The following NLGN1 variants were observed in gnomAD, a reference collection of about 807,000 sequenced individuals.
NLGN1 encodes neuroligin 1, also known as neuroligin-1.
A neutral mutation model predicts 65.5 loss-of-function variants in NLGN1; 12 were observed. That is an observed-to-expected ratio of 0.18 (90% CI 0.12 to 0.30). NLGN1 has a LOEUF of 0.30. Among genes scored for constraint, NLGN1 ranks in the 10% least tolerant of loss-of-function variants. The probability of loss-of-function intolerance (pLI) is 1.00; values close to 1 mark genes in which losing one functional copy is unlikely to be tolerated. For synonymous variants in NLGN1, 350 were observed against 359.5 expected, an observed-to-expected ratio of 0.97 and a Z score of 0.30; for missense variants, 750 against 1,007.1, an observed-to-expected ratio of 0.74 and a Z score of 3.46.
intron 2 of NLGN1, among the ~76,000 whole-genome samples, chr3:173,502,455 A>C (rs1235465200): frequency 6.6e-6 from 1 of 152,144 alleles, no homozygotes; most frequent in African/African-American, 2.4e-5. Context: ...ATGCTTCCAG[A>C]GAATATGAGC....
exon 7 of NLGN1, chr3:174,283,905 A>T (rs1322505081): frequency 6.6e-6 from 1 of 151,496 alleles, no homozygotes; most frequent in African/African-American, 2.4e-5. Flanking sequence ...CAAGAACAGA[A>T]TAGAAATGAC....
chr3:173,843,421 T>A (rs562300202), intron 4 of NLGN1, among the ~76,000 whole-genome samples: 2 of 152,224 alleles, frequency 1.3e-5, no homozygotes, highest in African/African-American at 4.8e-5. Flanking sequence ...TCTATTGCAT[T>A]GTCAGGCTGC....
rs76714510 is a variant in NLGN1 at position 173,472,887 on chromosome 3, A to G, written c.-321+37809A>G. On this transcript the variant is annotated intron_variant, in intron 2 of 6. Transcript: ENST00000457714. Reference sequence around the variant, plus strand: ...CAAATGGCATAAGTGAATTGTTTTAATCTGCCCCTTTAGGAGTCTGTTGGC... The same window carrying G: ...CAAATGGCATAAGTGAATTGTTTTAGTCTGCCCCTTTAGGAGTCTGTTGGC... 3.6e-3 allele frequency among the ~76,000 whole-genome samples: 551 copies of G among 152,274 alleles called. 1 individual carries two copies. The highest frequency in any genetic ancestry group is 6.2e-3 in the Non-Finnish European group (424 of 68,020).
intron 3 of NLGN1, among the ~76,000 whole-genome samples, chr3:173,780,864 G>A (rs1232298795): frequency 6.6e-6 from 1 of 151,878 alleles, no homozygotes; most frequent in Non-Finnish European, 1.5e-5. Context: ...AATATTGGCC[G>A]GGCACAGTGG....
At chr3:173,858,373 T>A (rs1323556429) in intron 4 of NLGN1, among the ~76,000 whole-genome samples, 1 of 152,088 alleles carries the variant, frequency 6.6e-6, no homozygotes, top group Non-Finnish European at 1.5e-5. Flanking sequence ...TCATTTTCTC[T>A]TCTAGGATGT....
At chr3:173,781,515 G>A (rs1350312509) in intron 3 of NLGN1, among the ~76,000 whole-genome samples, 1 of 152,016 alleles carries the variant, frequency 6.6e-6, no homozygotes, top group Admixed American at 6.6e-5. Context: ...GGCTTTTATC[G>A]TACCCATTTT....
chr3:173,700,043 CAT>C (rs1462594976), intron 3 of NLGN1, among the ~76,000 whole-genome samples: 1 of 152,174 alleles, frequency 6.6e-6, no homozygotes, highest in Non-Finnish European at 1.5e-5. Flanking sequence ...CAAAACTCCA[CAT>C]AGTTAGTTAT....
At chr3:174,148,390 C>G (rs1723733955) in intron 4 of NLGN1, among the ~76,000 whole-genome samples, 1 of 152,118 alleles carries the variant, frequency 6.6e-6, no homozygotes, top group Admixed American at 6.6e-5. Context: ...AAGTACATCT[C>G]CACTTTAAAA....
intron 4 of NLGN1, among the ~76,000 whole-genome samples, chr3:174,257,955 T>C (rs980397290): frequency 6.6e-6 from 1 of 151,234 alleles, no homozygotes; most frequent in Non-Finnish European, 1.5e-5. Context: ...TAATTACCTT[T>C]TGTAATTTTA....
chr3:173,588,218 T>G (rs76286650), intron 2 of NLGN1, among the ~76,000 whole-genome samples: 7 of 152,190 alleles, frequency 4.6e-5, no homozygotes, highest in Non-Finnish European at 8.8e-5. Context: ...TAAGAGATAA[T>G]TTAAAACATC....
At chr3:174,274,143 A>AATC (rs1750050344) in intron 4 of NLGN1, among the ~76,000 whole-genome samples, 1 of 151,578 alleles carries the variant, frequency 6.6e-6, no homozygotes, top group African/African-American at 2.4e-5. Flanking sequence ...CCCTTAATAT[A>AATC]ATCAATTTAT....
chr3:173,513,895 G>A (rs1207215495), intron 2 of NLGN1, among the ~76,000 whole-genome samples: 1 of 152,132 alleles, frequency 6.6e-6, no homozygotes, highest in Non-Finnish European at 1.5e-5. Context: ...GGGTGTGGTG[G>A]TGGGCGCCTG....
intron 5 of NLGN1, among the ~76,000 whole-genome samples, chr3:174,277,389 C>CTAGGTGGCATATTTTA (rs1486637497): frequency 6.6e-6 from 1 of 151,866 alleles, no homozygotes; most frequent in Non-Finnish European, 1.5e-5. Flanking sequence ...TTTTAGGAAT[C>CTAGGTGGCATATTTTA]TAGGTGGCAT....
intron 3 of NLGN1, among the ~76,000 whole-genome samples, chr3:173,654,408 A>C (rs1397818979): frequency 6.6e-6 from 1 of 152,164 alleles, no homozygotes; most frequent in East Asian, 1.9e-4. Flanking sequence ...AATAGTTTCT[A>C]ATAATTAAAA....
chr3:173,978,402 A>G (rs1331974653), intron 4 of NLGN1, among the ~76,000 whole-genome samples: 1 of 152,132 alleles, frequency 6.6e-6, no homozygotes, highest in Non-Finnish European at 1.5e-5. Context: ...AGTTTGCAAG[A>G]TATGCGAAGA....
chr3:173,626,925 C>T (rs1231556062), intron 3 of NLGN1, among the ~76,000 whole-genome samples: 1 of 151,950 alleles, frequency 6.6e-6, no homozygotes, highest in Non-Finnish European at 1.5e-5. Flanking sequence ...CAAAACTATC[C>T]TAGCAGGAGG....
chr3:174,061,612 C>A (rs934623613), intron 4 of NLGN1, among the ~76,000 whole-genome samples: 1 of 151,954 alleles, frequency 6.6e-6, no homozygotes, highest in African/African-American at 2.4e-5. Flanking sequence ...ACTTTAATGT[C>A]CTGGAGGTAC....
chr3:173,899,206 G>T (rs1736882006), intron 4 of NLGN1, among the ~76,000 whole-genome samples: 1 of 151,954 alleles, frequency 6.6e-6, no homozygotes, highest in Admixed American at 6.6e-5. Flanking sequence ...AGAGGTTTTG[G>T]GGTAAATACA....
chr3:173,419,116 G>C (rs577346209), intron 1 of NLGN1, among the ~76,000 whole-genome samples: 14 of 107,118 alleles, frequency 1.3e-4, no homozygotes, highest in Non-Finnish European at 2.0e-4. Context: ...TATATATATC[G>C]ATTTTTTTTT....
Sources: gnomAD v4.1 joint callset for allele counts (sites outside exome capture counted in the v4.1 genomes callset) on GRCh38, gnomAD v4.1.1 for gene constraint, MANE v1.5 for transcripts, NCBI Gene and HGNC (gene_info 2026-07-23, HGNC 2026-07-21) for gene names.